The following WDR49 variants were observed in gnomAD, a reference collection of about 807,000 sequenced individuals.
WDR49 encodes the protein WD repeat domain 49.
WDR49 carries 107 observed loss-of-function variants against 119.5 expected under a neutral mutation model. That is an observed-to-expected ratio of 0.90 (90% CI 0.77 to 1.05). The LOEUF (loss-of-function observed/expected upper bound fraction) is 1.05. Ranked by LOEUF, WDR49 falls within the 50% of genes least tolerant of loss-of-function variation. The pLI is 0.00. For missense variants in WDR49, 1,240 were observed against 1,220.5 expected, an observed-to-expected ratio of 1.02 and a Z score of -0.24; for synonymous variants, 425 against 418.8, an observed-to-expected ratio of 1.01 and a Z score of -0.18.
chr3:167,636,675 T>C (rs1717635595), intron 2 of WDR49, among the ~76,000 whole-genome samples: 1 of 151,732 alleles, frequency 6.6e-6, no homozygotes, highest in South Asian at 2.1e-4. Flanking sequence ...GATTTTTTGA[T>C]TATGGTCATT....
intron 3 of WDR49, among the ~76,000 whole-genome samples, chr3:167,625,050 A>G (rs1296395299): frequency 1.3e-5 from 2 of 151,986 alleles, no homozygotes; most frequent in African/African-American, 4.8e-5. Flanking sequence ...CTCCATGGTG[A>G]TTTTGAGAGG....
intron 18 of WDR49, among the ~76,000 whole-genome samples, chr3:167,482,348 C>G (rs1465261951): frequency 2.6e-5 from 4 of 151,884 alleles, no homozygotes; most frequent in African/African-American, 9.7e-5. Context: ...TTATTGTTCC[C>G]AAGAGTCCTC....
chr3:167,601,026 G>A (rs1050688921), intron 7 of WDR49, among the ~76,000 whole-genome samples: 3 of 152,142 alleles, frequency 2.0e-5, no homozygotes, highest in African/African-American at 7.2e-5. Flanking sequence ...CAAATTAGCA[G>A]AATGGAGGGC....
Position 167,620,363 on chromosome 3 carries a change from A to T in WDR49, c.958+66T>A. 10 of 1,409,950 alleles carry T rather than the reference A, an allele frequency of 7.1e-6. No individual in the cohort carries two copies. The East Asian group carries it at 2.6e-4, about 37-fold the overall frequency. 87.3% of individuals were successfully genotyped at this position (1,409,950 alleles called of 1,614,324 possible). Reference sequence around the variant, plus strand: ...TAAAGGTTTTGTGTGAAGCATTTTCATCAAAGAATATAAATGTACAAGTCA... The same window carrying T: ...TAAAGGTTTTGTGTGAAGCATTTTCTTCAAAGAATATAAATGTACAAGTCA... On this transcript the variant is annotated intron_variant, in intron 5 of 18. Coordinates refer to ENST00000682715, the MANE Select transcript of WDR49 (RefSeq NM_001366157.1).
chr3:167,648,850 C>T (rs1437012845), intron 2 of WDR49, among the ~76,000 whole-genome samples: 1 of 152,108 alleles, frequency 6.6e-6, no homozygotes, highest in Non-Finnish European at 1.5e-5. Flanking sequence ...GAAATACCTG[C>T]TTTTTACTTT....
rs199692491 is a variant in WDR49 at position 167,531,287 on chromosome 3, G to A, written c.2054-8C>T. The A allele has an allele frequency of 5.6e-6, 9 of 1,610,236 alleles. No homozygotes were observed. Among genetic ancestry groups the A allele is most frequent in the Admixed American group, 3.4e-5 (2 of 59,692 alleles). On this transcript the variant is annotated splice_polypyrimidine_tract_variant and splice_region_variant and intron_variant, in intron 12 of 18. Transcript: ENST00000682715. ...GTTTTTGAGGTTTTGTATCTGTGAGGGAGACAAAGCCAAGTATATTAATGA... is the reference window on the plus strand; with the variant it reads ...GTTTTTGAGGTTTTGTATCTGTGAGAGAGACAAAGCCAAGTATATTAATGA...
At chr3:167,559,945 C>T (rs897528296) in intron 9 of WDR49, 119 bp downstream of exon 9, 1 of 1,062,444 alleles carries the variant, frequency 9.4e-7, no homozygotes, top group Non-Finnish European at 1.3e-6. Context: ...CTTACCATGT[C>T]TCATTTCTCT....
At chr3:167,627,414 A>ATT in intron 2 of WDR49, 122 bp from the exon 3 acceptor site, 2 of 975,566 alleles carry the variant, frequency 2.1e-6, no homozygotes, top group Non-Finnish European at 2.6e-6. Context: ...AAAGAAAAAT[A>ATT]TTTTTTGCTT....
chr3:167,619,920 A>C (rs1390760770), intron 5 of WDR49, among the ~76,000 whole-genome samples: 1 of 152,080 alleles, frequency 6.6e-6, no homozygotes, highest in Non-Finnish European at 1.5e-5. Context: ...TATTACACAA[A>C]GAACTGCCAC....
upstream of WDR49, among the ~76,000 whole-genome samples, chr3:167,654,323 G>A (rs544120069): frequency 1.6e-3 from 237 of 152,092 alleles, no homozygotes; most frequent in African/African-American, 5.3e-3. Flanking sequence ...TAGTTTCTAT[G>A]TATATAAAAT....
intron 14 of WDR49, among the ~76,000 whole-genome samples, chr3:167,528,802 T>C (rs1752733882): frequency 6.6e-6 from 1 of 152,114 alleles, no homozygotes; most frequent in South Asian, 2.1e-4. Flanking sequence ...AGTGCTTTAC[T>C]AACAATATTG....
intron 18 of WDR49, among the ~76,000 whole-genome samples, chr3:167,486,286 C>G (rs1750914065): frequency 1.3e-5 from 2 of 152,066 alleles, no homozygotes; most frequent in Admixed American, 1.3e-4. Flanking sequence ...GCAACACCTA[C>G]TACCACAAAA....
chr3:167,597,359 A>G (rs1384543882), intron 7 of WDR49, among the ~76,000 whole-genome samples: 1 of 152,212 alleles, frequency 6.6e-6, no homozygotes, highest in Non-Finnish European at 1.5e-5. Context: ...ATTTCAGAGG[A>G]TGTACAAAAA....
chr3:167,657,659 T>C (rs981715194), upstream of WDR49, among the ~76,000 whole-genome samples: 5 of 152,078 alleles, frequency 3.3e-5, no homozygotes, highest in African/African-American at 1.2e-4. Context: ...TTTGCCTAAA[T>C]TCTCCCTCCA....
chr3:167,559,160 C>G (rs1713116575), intron 9 of WDR49, among the ~76,000 whole-genome samples: 2 of 152,276 alleles, frequency 1.3e-5, no homozygotes, highest in Non-Finnish European at 2.9e-5. Flanking sequence ...CCCTGAATAC[C>G]TAAACTTCTA....
At position 167,536,984 on chromosome 3, in the gene WDR49, G is replaced by A. The variant is rs200139077; in HGVS notation, c.1840C>T (p.Arg614Ter). Residue 614 changes from arginine (R) to a stop codon, truncating the protein, a stop_gained, in exon 11 of 19, where the codon CGA becomes TGA. Transcript: ENST00000682715. LOFTEE classifies it high-confidence loss of function. ...KTIGRAITVFRPQNFNQFFIQ... is the reference protein window; with the variant it reads ...KTIGRAITVF ...AAAAATTGATTGAAGTTTTGGGGTC[G>A]AAACACAGTAATAGCCCTAGCAAAA... The A allele has an allele frequency of 1.3e-5, 21 of 1,585,826 alleles. No individual in the cohort carries two copies. The highest frequency in any genetic ancestry group is 1.7e-4 in the Middle Eastern group (1 of 5,974).
rs77028892 is a variant in WDR49 at position 167,600,830 on chromosome 3, G to T, written c.1275+1297C>A. Among the ~76,000 whole-genome samples, 1,286 of 152,304 alleles carry T rather than the reference G, an allele frequency of 8.4e-3. 91 individuals carry two copies. In the East Asian group the frequency reaches 0.17, roughly 21 times the overall value. Reference sequence around the variant, plus strand: ...GAGCATGTTGCAAAGCCATGAAACTGCATGGTGAGAAAAGATAATAATTTG... The same window carrying T: ...GAGCATGTTGCAAAGCCATGAAACTTCATGGTGAGAAAAGATAATAATTTG... On this transcript the variant is annotated intron_variant, in intron 7 of 18. Coordinates refer to ENST00000682715, the MANE Select transcript of WDR49 (RefSeq NM_001366157.1).
chr3:167,595,558 AAC>A (rs1715376393), intron 7 of WDR49, among the ~76,000 whole-genome samples: 1 of 152,206 alleles, frequency 6.6e-6, no homozygotes, highest in Non-Finnish European at 1.5e-5. Context: ...CCTCAGAAAT[AAC>A]ATTGCATATC....
intron 11 of WDR49, among the ~76,000 whole-genome samples, chr3:167,534,715 A>G (rs568806320): frequency 2.6e-5 from 4 of 152,276 alleles, no homozygotes; most frequent in African/African-American, 9.6e-5. Flanking sequence ...TCATGGTGCA[A>G]TCTGTCTCTA....
Sources: gnomAD v4.1 joint callset for allele counts (sites outside exome capture counted in the v4.1 genomes callset) on GRCh38, gnomAD v4.1.1 for gene constraint, MANE v1.5 for transcripts, NCBI Gene and HGNC (gene_info 2026-07-23, HGNC 2026-07-21) for gene names.